The following KPNA5 variants were observed in gnomAD, a reference collection of about 807,000 sequenced individuals.
The protein encoded by KPNA5 is importin subunit alpha-6.
KPNA5 carries 46 observed loss-of-function variants against 71.3 expected under a neutral mutation model. The observed-to-expected ratio is 0.65, with a 90% CI of 0.51 to 0.83. KPNA5 has a LOEUF of 0.83. KPNA5 is among the 40% of genes least tolerant of loss of function. The pLI, the probability that KPNA5 is intolerant of heterozygous loss-of-function variation, is 0.00. For missense variants in KPNA5, 547 were observed against 628.3 expected, an observed-to-expected ratio of 0.87 and a Z score of 1.38; for synonymous variants, 207 against 201.4, an observed-to-expected ratio of 1.03 and a Z score of -0.24.
chr6:116,696,468 G>A (rs1778032675), intron 4 of KPNA5, among the ~76,000 whole-genome samples: 2 of 152,156 alleles, frequency 1.3e-5, no homozygotes, highest in Admixed American at 6.5e-5. Flanking sequence ...ACACTAGGAA[G>A]ATATGAATAT....
intron 10 of KPNA5, among the ~76,000 whole-genome samples, chr6:116,725,164 C>T (rs1441176669): frequency 6.6e-6 from 1 of 151,998 alleles, no homozygotes; most frequent in Non-Finnish European, 1.5e-5. Flanking sequence ...GTTGGATTTC[C>T]AGTGCACTGC....
intron 4 of KPNA5, among the ~76,000 whole-genome samples, chr6:116,694,881 A>G (rs981906671): frequency 6.6e-6 from 1 of 152,184 alleles, no homozygotes; most frequent in East Asian, 1.9e-4. Context: ...AATACACTGT[A>G]TTAATTTATG....
chr6:116,689,203 A>G, intron 1 of KPNA5, 117 bp from the exon 2 acceptor site: 2 of 1,010,284 alleles, frequency 2.0e-6, no homozygotes, highest in Non-Finnish European at 2.9e-6. Context: ...AATTTTCAGA[A>G]TGGGTTTTGT....
rs150730672 is a variant in KPNA5, at chr6:116,700,637, G to A, written c.436-1382G>A. Among the ~76,000 whole-genome samples the A allele has an allele frequency of 5.8e-3, 887 of 152,236 alleles. 3 individuals are homozygous for A. Among genetic ancestry groups the A allele is most frequent in the African/African-American group, 0.02 (837 of 41,532 alleles). On this transcript the variant is annotated intron_variant, in intron 5 of 13. Transcript: ENST00000368564. ...TTAATATGATTGGTCCATCTAACAG[G>A]CCTTAAATTGGGGGCCTACAAACAA...
At chr6:116,726,644 T>TAGGAA (rs1421175430) in intron 12 of KPNA5, 22 bp downstream of exon 12, 1 of 1,522,980 alleles carries the variant, frequency 6.6e-7, no homozygotes. Flanking sequence ...ACTTCTTAAT[T>TAGGAA]GTTTTTTACA....
intron 12 of KPNA5, among the ~76,000 whole-genome samples, chr6:116,729,158 C>CGTGTGTGT (rs150925835): frequency 0.06 from 6,686 of 111,940 alleles, 293 homozygotes; most frequent in East Asian, 0.1. Context: ...ATATGACCTC[C>CGTGTGTGT]GTGTGTGTGT....
At chr6:116,718,972 G>A (rs974408998) in intron 8 of KPNA5, among the ~76,000 whole-genome samples, 3 of 152,034 alleles carry the variant, frequency 2.0e-5, no homozygotes, top group African/African-American at 7.2e-5. Context: ...TCACCATGTT[G>A]GCCAGGCTGG....
rs1031858607 is a variant in KPNA5 at position 116,740,196 on chromosome 6, C to G, written c.*7873C>G. 32 of 152,242 alleles carry G rather than the reference C, an allele frequency of 2.1e-4. No individual in the cohort carries two copies. Among genetic ancestry groups the G allele is most frequent in the African/African-American group, 7.0e-4 (29 of 41,538 alleles). 9.4% of individuals were successfully genotyped at this position (152,242 alleles called of 1,614,324 possible). ...AAAGTGGGTGAAGGACATGAACAGA[C>G]ACTTCTCAAAAGAAGACATTTATGC... is the stretch of plus-strand genomic sequence containing the variant. On this transcript the variant is annotated 3_prime_UTR_variant, in exon 14 of 14. Transcript: ENST00000368564.
At chr6:116,694,021 A>G (rs1216942397) in intron 4 of KPNA5, among the ~76,000 whole-genome samples, 1 of 152,174 alleles carries the variant, frequency 6.6e-6, no homozygotes, top group Non-Finnish European at 1.5e-5. Flanking sequence ...TGTTTTTGTC[A>G]GGTTTGTCAA....
At chr6:116,690,102 A>G (rs1777739126) in intron 2 of KPNA5, among the ~76,000 whole-genome samples, 1 of 152,120 alleles carries the variant, frequency 6.6e-6, no homozygotes, top group South Asian at 2.1e-4. Context: ...ATTCTATTCT[A>G]TTGTATTCTG....
Position 116,729,094 on chromosome 6 carries a change from T to C in KPNA5, c.1254-469T>C, listed in dbSNP as rs188011469. 4.0e-4 allele frequency among the ~76,000 whole-genome samples: 61 copies of C among 151,786 alleles called. No individual in the cohort carries two copies. In the East Asian group the frequency reaches 0.01, roughly 26 times the overall value. Reference sequence around the variant, plus strand: ...AGCTGTGATTGTTTTTATGGGAAATTTTCTCAAGTTTAATTTAGATGTCTC... The same window carrying C: ...AGCTGTGATTGTTTTTATGGGAAATCTTCTCAAGTTTAATTTAGATGTCTC... On this transcript the variant is annotated intron_variant, in intron 12 of 13. Transcript: ENST00000368564.
At chr6:116,685,322 T>C (rs544853906) in intron 1 of KPNA5, among the ~76,000 whole-genome samples, 35 of 152,330 alleles carry the variant, frequency 2.3e-4, no homozygotes, top group African/African-American at 8.2e-4. Flanking sequence ...GGGGCACATG[T>C]GCAAGCTTGT....
chr6:116,690,479 C>G (rs1261861650), intron 2 of KPNA5, among the ~76,000 whole-genome samples: 1 of 151,638 alleles, frequency 6.6e-6, no homozygotes, highest in African/African-American at 2.4e-5. Context: ...AAGGTGAAAC[C>G]CCATCTCAAA....
rs767635699 is a variant in KPNA5, at chr6:116,732,173, T to C, written c.1470T>C (p.Asn490=). ...DKIEFLQSHE[N]QEIYQKAFDL... ...TTGAGTTTTTGCAAAGCCATGAAAA[T>C]CAGGAAATTTACCAGAAGGCATTTG... The change falls in exon 14 of 14, where the codon AAT becomes AAC. Residue 490 remains asparagine (N), a synonymous_variant. Coordinates refer to ENST00000368564, the MANE Select transcript of KPNA5 (RefSeq NM_001366306.2). 5.2e-6 allele frequency: 8 copies of C among 1,541,362 alleles called. No individual in the cohort carries two copies. The South Asian group carries it at 9.9e-5, about 19-fold the overall frequency.
At chr6:116,729,013 T>G (rs1045309936) in intron 12 of KPNA5, among the ~76,000 whole-genome samples, 2 of 152,080 alleles carry the variant, frequency 1.3e-5, no homozygotes, top group Non-Finnish European at 2.9e-5. Context: ...AGAGAGCCTG[T>G]TTTGTTCCTA....
intron 9 of KPNA5, among the ~76,000 whole-genome samples, chr6:116,723,328 G>A (rs1248851470): frequency 6.6e-6 from 1 of 152,176 alleles, no homozygotes; most frequent in Non-Finnish European, 1.5e-5. Flanking sequence ...GTAGGTATGT[G>A]TGTGTGCATC....
In KPNA5 at chr6:116,689,450, A is replaced by G; in HGVS notation, c.135A>G (p.Glu45=). The G allele has an allele frequency of 1.3e-6, 2 of 1,569,880 alleles. No homozygotes were observed. Among genetic ancestry groups the G allele is most frequent in the South Asian group, 2.4e-5 (2 of 81,852 alleles). The change falls in exon 2 of 14, where the codon GAA becomes GAG. Residue 45 remains glutamate, a synonymous_variant. Coordinates refer to ENST00000368564, the MANE Select transcript of KPNA5 (RefSeq NM_001366306.2). ...AGCTTAGAAAACAAAAAAGAGAAGA[A>G]CAGGTAGGTGTTTTTAGCTATTTAA... is the stretch of plus-strand genomic sequence containing the variant. ...GIQLRKQKRE[E]QLFKRRNVYL...
chr6:116,704,434 C>T (rs1021038414), intron 6 of KPNA5, among the ~76,000 whole-genome samples: 7 of 152,166 alleles, frequency 4.6e-5, no homozygotes, highest in Admixed American at 2.0e-4. Context: ...TATGAGACTA[C>T]CATCTTATGT....
rs1297366922 is a variant in KPNA5 at position 116,740,665 on chromosome 6, T to TA, written c.*8348dup. The TA allele has an allele frequency of 1.3e-5, 2 of 152,066 alleles. No homozygotes were observed. The highest frequency in any genetic ancestry group is 1.3e-4 in the Admixed American group (2 of 15,264). The allele number at this position is 152,066 out of a possible 1,614,324, so 9.4% of individuals were successfully genotyped here. A position where few individuals can be genotyped will look rare whatever the true frequency, so the allele number is the denominator to read the frequency against. ...TACACCATGGAATACTATGCAGCCATAAAAAATGATGAGTTCATGTCCTTT... is the reference window on the plus strand; with the variant it reads ...TACACCATGGAATACTATGCAGCCATAAAAAAATGATGAGTTCATGTCCTTT... On this transcript the variant is annotated 3_prime_UTR_variant, in exon 14 of 14. Transcript: ENST00000368564.
Sources: allele counts gnomAD v4.1 joint callset (sites outside exome capture counted in the v4.1 genomes callset), GRCh38; gene constraint gnomAD v4.1.1; transcripts MANE v1.5; gene names NCBI Gene and HGNC (gene_info 2026-07-23, HGNC 2026-07-21).